Variants in CERS4 observed in about 807,000 individuals in gnomAD.
CERS4 encodes ceramide synthase 4.
A neutral mutation model predicts 51.8 loss-of-function variants in CERS4; 65 were observed. That is an observed-to-expected ratio of 1.26 (90% CI 1.03 to 1.54). CERS4 has a LOEUF of 1.54. Ranked by LOEUF, CERS4 falls within the 40% of genes most tolerant of loss-of-function variation. The pLI is 0.00. For missense variants in CERS4, 563 were observed against 500.4 expected, an observed-to-expected ratio of 1.13 and a Z score of -1.19; for synonymous variants, 228 against 208.4, an observed-to-expected ratio of 1.09 and a Z score of -0.81.
chr19:8,222,465 T>C (rs1205562319), intron 2 of CERS4, among the ~76,000 whole-genome samples: 1 of 150,748 alleles, frequency 6.6e-6, no homozygotes, highest in East Asian at 2.0e-4. Context: ...CAGGCGTGAG[T>C]CACTGTGCCT....
In CERS4 at chr19:8,256,687, C is replaced by A. The variant is rs772061554; in HGVS notation, c.589C>A (p.Leu197Met). 1.2e-5 allele frequency: 20 copies of A among 1,613,716 alleles called. No homozygotes were observed. The highest frequency in any genetic ancestry group is 2.7e-5 in the African/African-American group (2 of 74,908). Residue 197 changes from leucine (L) to methionine (M), a missense_variant, in exon 8 of 12, where the codon CTG (leucine) becomes ATG (methionine). Physicochemically the swap from Leu to Met is conservative, Grantham distance 15. Transcript: ENST00000251363. ...TTTCTACCTCTCACTGCTAATCAGG[C>A]TGCCCTTTGATGTCAAGCGCAAGGT... The part of the protein sequence containing the change: ...LGFYLSLLIR[L>M]PFDVKRKDFK...
chr19:8,236,585 G>A (rs1968263416), intron 2 of CERS4, among the ~76,000 whole-genome samples: 1 of 151,394 alleles, frequency 6.6e-6, no homozygotes, highest in African/African-American at 2.4e-5. Context: ...ATGCTGAGGT[G>A]GGAGGATCAC....
At chr19:8,261,636 GGGCTACAGC>G in intron 10 of CERS4, 43 bp from the exon 11 acceptor site, 2 of 1,606,526 alleles carry the variant, frequency 1.2e-6, no homozygotes, top group Non-Finnish European at 1.7e-6. Context: ...TTAGGACTGG[GGGCTACAGC>G]GGCTGGTCAA....
In CERS4 at chr19:8,256,818, T is replaced by C. The variant is rs1180535738; in HGVS notation, c.612+108T>C. 3.2e-6 allele frequency: 5 copies of C among 1,574,522 alleles called. No individual in the cohort carries two copies. In the African/African-American group the frequency reaches 4.1e-5, roughly 13 times the overall value. On this transcript the variant is annotated intron_variant, in intron 8 of 11. Transcript: ENST00000251363. ...ACCTTGAGAGCTCCCTGGTGCCTCC[T>C]GCAGGAGATATAGAGGCCATGGGCC...
At chr19:8,227,115 C>T (rs866059449) in intron 2 of CERS4, among the ~76,000 whole-genome samples, 5 of 151,928 alleles carry the variant, frequency 3.3e-5, no homozygotes, top group South Asian at 4.2e-4. Context: ...GCAACAAGAG[C>T]GAAACTGTCT....
intron 9 of CERS4, 43 bp downstream of exon 9, chr19:8,257,120 A>G: frequency 6.5e-7 from 1 of 1,541,306 alleles, no homozygotes; most frequent in Non-Finnish European, 8.8e-7. Context: ...TGCTGTACCC[A>G]GCCCTCCCAG....
At chr19:8,227,897 A>G (rs935818675) in intron 2 of CERS4, among the ~76,000 whole-genome samples, 4 of 151,882 alleles carry the variant, frequency 2.6e-5, no homozygotes, top group African/African-American at 7.3e-5. Flanking sequence ...GAGTCTCACT[A>G]TGTTGCTGGG....
chr19:8,220,723 G>T (rs11666866), intron 2 of CERS4, among the ~76,000 whole-genome samples: 1 of 152,004 alleles, frequency 6.6e-6, no homozygotes, highest in Admixed American at 6.6e-5. Flanking sequence ...AGCCTGTGTT[G>T]CCAGGAGAAC....
intron 2 of CERS4, among the ~76,000 whole-genome samples, chr19:8,221,206 C>G (rs990620738): frequency 2.6e-5 from 4 of 151,372 alleles, no homozygotes; most frequent in Non-Finnish European, 5.9e-5. Flanking sequence ...TAGGCTCAAG[C>G]AATCCTCCCA....
At chr19:8,216,632 G>A (rs1457881403) in intron 2 of CERS4, among the ~76,000 whole-genome samples, 1 of 151,972 alleles carries the variant, frequency 6.6e-6, no homozygotes, top group Non-Finnish European at 1.5e-5. Context: ...AAGATATAGA[G>A]TCTTTGCCAC....
intron 2 of CERS4, among the ~76,000 whole-genome samples, chr19:8,231,873 T>TTTTTTTTTTTTTTTTTTTTTG (rs61532670): frequency 8.4e-6 from 1 of 119,626 alleles, no homozygotes; most frequent in African/African-American, 3.2e-5. Flanking sequence ...TTTTTTTTTT[T>TTTTTTTTTTTTTTTTTTTTTG]AGAGACAGTC....
At chr19:8,235,642 C>T (rs962341082) in intron 2 of CERS4, among the ~76,000 whole-genome samples, 12 of 151,790 alleles carry the variant, frequency 7.9e-5, no homozygotes, top group African/African-American at 2.4e-4. Context: ...AATCCCAGCA[C>T]TTTGGGATGC....
Position 8,209,487 on chromosome 19 carries a change from AC to A in CERS4, c.-161del. On this transcript the variant is annotated 5_prime_UTR_variant, in exon 1 of 12. Transcript: ENST00000251363. ...GCCCTCGGTGCGCCCGGCCGCCTGC[AC>A]CCCCAGGTAAGCGAGCACCCCGCGC... The A allele has an allele frequency of 6.6e-6, 1 of 150,918 alleles. No individual in the cohort carries two copies. Among genetic ancestry groups the A allele is most frequent in the Non-Finnish European group, 1.5e-5 (1 of 67,718 alleles). The allele number at this position is 150,918 out of a possible 1,614,324, so 9.3% of individuals were successfully genotyped here. A position where few individuals can be genotyped will look rare whatever the true frequency, so the allele number is the denominator to read the frequency against.
intron 2 of CERS4, among the ~76,000 whole-genome samples, chr19:8,218,855 G>A (rs967786384): frequency 2.6e-5 from 4 of 152,144 alleles, no homozygotes; most frequent in Non-Finnish European, 5.9e-5. Flanking sequence ...GATGGAAGAC[G>A]TGTGCTCTGC....
Position 8,258,096 on chromosome 19 carries a change from G to A in CERS4, c.848+111G>A, listed in dbSNP as rs1969493101. On this transcript the variant is annotated intron_variant, in intron 10 of 11. Coordinates refer to ENST00000251363, the MANE Select transcript of CERS4 (RefSeq NM_024552.3). The stretch of plus-strand genomic sequence containing the variant: ...AAGGAGCTGGGGATCTTGGCTGGGA[G>A]AGTTCCAGGAGGAGGCAGGGAAGGG... 4.7e-6 allele frequency: 4 copies of A among 859,636 alleles called. No individual in the cohort carries two copies. The Admixed American group carries it at 7.4e-5, about 16-fold the overall frequency. 53.3% of individuals were successfully genotyped at this position (859,636 alleles called of 1,614,324 possible).
Position 8,262,020 on chromosome 19 carries a change from G to A in CERS4, c.1096G>A (p.Ala366Thr), listed in dbSNP as rs36259. The part of the protein sequence containing the change: ...AQEPLQLKNG[A>T]AGGPRPAPTD... ...GGAACCTCTGCAGCTAAAGAACGGG[G>A]CAGCTGGAGGGCCCAGGCCAGCCCC... is the stretch of plus-strand genomic sequence containing the variant. Residue 366 changes from alanine to threonine, a missense_variant, in exon 12 of 12, where the codon GCA (alanine) becomes ACA (threonine). Ala to Thr is a moderately conservative substitution (Grantham distance 58, BLOSUM62 0). Transcript: ENST00000251363. 0.76 allele frequency: 1,198,176 copies of A among 1,583,458 alleles called. 454,121 individuals carry two copies. Among genetic ancestry groups the A allele is most frequent in the East Asian group, 0.81 (36,276 of 44,652 alleles).
In CERS4 at chr19:8,209,381, C is replaced by G. The variant is rs1966993717; in HGVS notation, c.-272C>G. 6.6e-6 allele frequency: 1 copy of G among 150,886 alleles called. No individual in the cohort carries two copies. Among genetic ancestry groups the G allele is most frequent in the African/African-American group, 2.4e-5 (1 of 41,362 alleles). The allele number at this position is 150,886 out of a possible 1,614,324, so 9.3% of individuals were successfully genotyped here. Reference sequence around the variant, plus strand: ...GCCGAGGCCCGGCCAGGAGCAGAGTCCGGCTGCCTGGGGCGGGCGGCGCGT... The same window carrying G: ...GCCGAGGCCCGGCCAGGAGCAGAGTGCGGCTGCCTGGGGCGGGCGGCGCGT... On this transcript the variant is annotated 5_prime_UTR_variant, in exon 1 of 12. Transcript: ENST00000251363.
chr19:8,245,481 T>G (rs1046255356), intron 2 of CERS4, among the ~76,000 whole-genome samples: 13 of 151,972 alleles, frequency 8.6e-5, no homozygotes, highest in Admixed American at 6.6e-4. Flanking sequence ...ACCCCTGGGT[T>G]CAAGCAATCC....
chr19:8,223,725 G>T (rs1967657117), intron 2 of CERS4, among the ~76,000 whole-genome samples: 1 of 152,138 alleles, frequency 6.6e-6, no homozygotes, highest in Non-Finnish European at 1.5e-5. Flanking sequence ...GGTCGAAACT[G>T]CAGTGAACCT....
Sources: gnomAD v4.1 joint callset for allele counts (sites outside exome capture counted in the v4.1 genomes callset) on GRCh38, gnomAD v4.1.1 for gene constraint, MANE v1.5 for transcripts, NCBI Gene and HGNC (gene_info 2026-07-23, HGNC 2026-07-21) for gene names.